Variants in ZNF394 observed in about 807,000 individuals in gnomAD.
ZNF394 encodes the protein zinc finger protein 99.
A neutral mutation model predicts 21.8 loss-of-function variants in ZNF394; 19 were observed. The ratio of observed to expected loss-of-function variants is 0.87; its 90% CI spans 0.61 to 1.28. ZNF394 has a LOEUF of 1.28. Among genes scored for constraint, ZNF394 ranks in the 50% most tolerant of loss-of-function variants. The pLI, the probability that ZNF394 is intolerant of heterozygous loss-of-function variation, is 0.00. For missense variants in ZNF394, 683 were observed against 708.6 expected (o/e 0.96, Z 0.41); for synonymous variants, 294 against 273.3 (o/e 1.08, Z -0.75).
At chr7:99,493,166 T>C, downstream of ZNF394, 1 of 1,021,894 alleles carries the variant, frequency 9.8e-7, no homozygotes, top group Non-Finnish European at 1.2e-6. Context: ...GGAAGATCCA[T>C]AATTGACTGA....
chr7:99,497,114 GTGTGTGTGTATA>G (rs1429657719), intron 2 of ZNF394, among the ~76,000 whole-genome samples: 2 of 116,620 alleles, frequency 1.7e-5, no homozygotes, highest in Non-Finnish European at 1.6e-5. Flanking sequence ...GTGTGTGTGT[GTGTGTGTGTATA>G]TATATATATA....
At chr7:99,497,072 G>C (rs113350231) in intron 2 of ZNF394, among the ~76,000 whole-genome samples, 2 of 124,742 alleles carry the variant, frequency 1.6e-5, no homozygotes, top group African/African-American at 6.8e-5. Flanking sequence ...GTATATATAT[G>C]TATATACATA....
chr7:99,500,046 C>G lies in ZNF394; in HGVS notation c.48G>C (p.Leu16Phe). The G allele has an allele frequency of 6.3e-7, 1 of 1,590,610 alleles. No homozygotes were observed. Among genetic ancestry groups the G allele is most frequent in the African/African-American group, 1.3e-5 (1 of 74,700 alleles). ...TAQRRGSDAE[L>F]GPWVMAARSK... ...ACCTCGCAGCCATCACCCAGGGTCCCAACTCGGCGTCACTGCCGCGCCTCT... is the reference window on the plus strand; with the variant it reads ...ACCTCGCAGCCATCACCCAGGGTCCGAACTCGGCGTCACTGCCGCGCCTCT... Residue 16 changes from leucine to phenylalanine, a missense_variant, in exon 1 of 3, where the codon TTG becomes TTC. By Grantham distance (22) the Leu-to-Phe change is conservative (BLOSUM62 0). Coordinates refer to ENST00000337673, the MANE Select transcript of ZNF394 (RefSeq NM_032164.4).
In ZNF394 at chr7:99,493,466, AG is replaced by A. The variant is rs1460823136; in HGVS notation, c.*62del. 5 of 1,388,854 alleles carry A rather than the reference AG, an allele frequency of 3.6e-6. No individual in the cohort carries two copies. The highest frequency in any genetic ancestry group is 2.2e-5 in the Admixed American group (1 of 45,370). 86.0% of individuals were successfully genotyped at this position (1,388,854 alleles called of 1,614,324 possible). On this transcript the variant is annotated 3_prime_UTR_variant, in exon 3 of 3. Coordinates refer to ENST00000337673, the MANE Select transcript of ZNF394 (RefSeq NM_032164.4). ...GAGACAGGATTTTACCATGTTGGCC[AG>A]GCTGGTTTCAAACTCCTGATCTCAA...
At chr7:99,494,672 TGCAACACAGAAATAA>T in intron 2 of ZNF394, 41 bp from the exon 3 acceptor site, 3 of 1,529,544 alleles carry the variant, frequency 2.0e-6, no homozygotes, top group Non-Finnish European at 2.6e-6. Context: ...TGCATCCCTG[TGCAACACAGAAATAA>T]GCAAGTGCTG....
chr7:99,496,895 T>C (rs989159204), intron 2 of ZNF394, among the ~76,000 whole-genome samples: 1 of 150,958 alleles, frequency 6.6e-6, no homozygotes. Context: ...GACAAGAATA[T>C]GGAGAAAGAA....
chr7:99,494,233 C>G lies in ZNF394; in HGVS notation c.982G>C (p.Val328Leu), dbSNP rs371074644. 1 of 1,614,248 alleles carries G rather than the reference C, an allele frequency of 6.2e-7. No homozygotes were observed. The highest frequency in any genetic ancestry group is 8.5e-7 in the Non-Finnish European group (1 of 1,180,052). Residue 328 changes from valine to leucine, a missense_variant, in exon 3 of 3, where the codon GTG becomes CTG. This residue lies in a region of ZNF394 where 274 missense variants were observed against 314.1 expected (regional missense o/e 0.87). Transcript: ENST00000337673. ...KQSFHMVTWHVLKPHKSDSGD... is the reference protein window; with the variant it reads ...KQSFHMVTWHLLKPHKSDSGD... ...CTGTCAGACTTGTGAGGTTTCAGCA[C>G]GTGCCACGTCACCATGTGGAAACTT...
chr7:99,495,879 C>A (rs1800291125), intron 2 of ZNF394, among the ~76,000 whole-genome samples: 1 of 152,006 alleles, frequency 6.6e-6, no homozygotes, highest in Non-Finnish European at 1.5e-5. Flanking sequence ...GCCTTGGCCT[C>A]CCAAAGTGTT....
At chr7:99,489,328 A>T (rs1800111479), downstream of ZNF394, among the ~76,000 whole-genome samples, 1 of 151,890 alleles carries the variant, frequency 6.6e-6, no homozygotes, top group Admixed American at 6.6e-5. Flanking sequence ...AATATTTGTA[A>T]TAGGTGCCGT....
In ZNF394 at chr7:99,493,796, T is replaced by C. The variant is rs61737538; in HGVS notation, c.1419A>G (p.Glu473=). 65 of 1,613,528 alleles carry C rather than the reference T, an allele frequency of 4.0e-5. No individual in the cohort carries two copies. The African/African-American group carries it at 7.8e-4, about 19-fold the overall frequency. The change falls in exon 3 of 3, where the codon GAA becomes GAG. Residue 473 remains glutamate, a synonymous_variant. Coordinates refer to ENST00000337673, the MANE Select transcript of ZNF394 (RefSeq NM_032164.4). ...HKGERPYKCE[E]CEKSFKQRSD... Reference sequence around the variant, plus strand: ...AGCGCTGTTTGAAGCTCTTCTCGCATTCTTCACACTTATAGGGTCTTTCCC... The same window carrying C: ...AGCGCTGTTTGAAGCTCTTCTCGCACTCTTCACACTTATAGGGTCTTTCCC...
intron 2 of ZNF394, among the ~76,000 whole-genome samples, chr7:99,496,782 G>A (rs573747276): frequency 6.6e-6 from 1 of 151,164 alleles, no homozygotes; most frequent in East Asian, 2.0e-4. Flanking sequence ...ATGTTGCCCA[G>A]GCTGGTCTTG....
intron 2 of ZNF394, among the ~76,000 whole-genome samples, chr7:99,496,709 C>G (rs572677329): frequency 3.3e-5 from 5 of 152,082 alleles, no homozygotes; most frequent in Non-Finnish European, 7.4e-5. Context: ...GCTATCACGC[C>G]CGGCCAAAAT....
rs371053928 is a variant in ZNF394, at chr7:99,497,694, T to A, written c.583+1022A>T. ...GTCTGGCCAACATGGTGAAACCCCA[T>A]CTCTACTAAAAACACAAAATTAGCT... On this transcript the variant is annotated intron_variant, in intron 2 of 2. Coordinates refer to ENST00000337673, the MANE Select transcript of ZNF394 (RefSeq NM_032164.4). Among the ~76,000 whole-genome samples, 6 of 152,042 alleles carry A rather than the reference T, an allele frequency of 3.9e-5. No individual in the cohort carries two copies. The East Asian group carries it at 5.8e-4, about 15-fold the overall frequency.
Position 99,493,482 on chromosome 7 carries a change from C to G in ZNF394, c.*47G>C. 1.4e-6 allele frequency: 2 copies of G among 1,481,424 alleles called. No individual in the cohort carries two copies. The highest frequency in any genetic ancestry group is 1.8e-6 in the Non-Finnish European group (2 of 1,098,492). The allele number at this position is 1,481,424 out of a possible 1,614,324, so 91.8% of individuals were successfully genotyped here. A position where few individuals can be genotyped will look rare whatever the true frequency, so the allele number is the denominator to read the frequency against. On this transcript the variant is annotated 3_prime_UTR_variant, in exon 3 of 3. Coordinates refer to ENST00000337673, the MANE Select transcript of ZNF394 (RefSeq NM_032164.4). ...ATGTTGGCCAGGCTGGTTTCAAACT[C>G]CTGATCTCAAATGATCTGCCTGCCT... is the stretch of plus-strand genomic sequence containing the variant.
downstream of ZNF394, among the ~76,000 whole-genome samples, chr7:99,489,623 T>C (rs1800118028): frequency 6.6e-6 from 1 of 152,270 alleles, no homozygotes; most frequent in Non-Finnish European, 1.5e-5. Flanking sequence ...TCCCTAATAG[T>C]GTTGCAACCT....
rs545983343 is a variant in ZNF394 at position 99,488,002 on chromosome 7, G to A, written n.84-1039C>T. ...CAGGAGAATGGCGTGAACCCAGGAG[G>A]CGGAGCTTGCAGTGAGCTGAGATCG... On this transcript the variant is annotated intron_variant and non_coding_transcript_variant, in intron 1 of 1. Coordinates refer to the ZNF394 transcript ENST00000462024. Among the ~76,000 whole-genome samples, 449 of 150,964 alleles carry A rather than the reference G, an allele frequency of 3.0e-3. 3 individuals are homozygous for A. Among genetic ancestry groups the A allele is most frequent in the African/African-American group, 0.01 (428 of 40,956 alleles).
chr7:99,486,521 A>T, exon 2 of ZNF394: 2 of 1,613,208 alleles, frequency 1.2e-6, no homozygotes, highest in Non-Finnish European at 1.7e-6. Flanking sequence ...CCAAAACAGA[A>T]ATTTTCTGAA....
At chr7:99,497,116 G>GTATATATATA (rs1259470943) in intron 2 of ZNF394, among the ~76,000 whole-genome samples, 19 of 111,428 alleles carry the variant, frequency 1.7e-4, no homozygotes, top group African/African-American at 2.4e-4. Context: ...GTGTGTGTGT[G>GTATATATATA]TGTGTGTATA....
chr7:99,495,765 C>T (rs543494684), intron 2 of ZNF394, among the ~76,000 whole-genome samples: 3 of 150,558 alleles, frequency 2.0e-5, no homozygotes, highest in African/African-American at 7.3e-5. Flanking sequence ...GGATTACAGG[C>T]AACGTGCCAC....
Sources: allele counts gnomAD v4.1 joint callset (sites outside exome capture counted in the v4.1 genomes callset), GRCh38; gene constraint gnomAD v4.1.1; regional missense constraint gnomAD v4.1.1; transcripts MANE v1.5; gene names NCBI Gene and HGNC (gene_info 2026-07-23, HGNC 2026-07-21).